The following SYT1 variants were observed in gnomAD, a reference collection of about 807,000 sequenced individuals.
SYT1 encodes synaptotagmin 1, also known as synaptotagmin-1.
A neutral mutation model predicts 44.8 loss-of-function variants in SYT1; 8 were observed. That is an observed-to-expected ratio of 0.18 (90% confidence interval 0.10 to 0.32). SYT1 has a LOEUF of 0.32. Ranked by LOEUF, SYT1 falls within the 10% of genes least tolerant of loss-of-function variation. The probability of loss-of-function intolerance (pLI) is 1.00; values close to 1 mark genes in which losing one functional copy is unlikely to be tolerated. For synonymous variants in SYT1, 154 were observed against 188.8 expected (o/e 0.82, Z 1.51); for missense variants, 286 against 509.3 (o/e 0.56, Z 4.22).
chr12:79,000,894 C>T (rs1250184713), intron 2 of SYT1, among the ~76,000 whole-genome samples: 3 of 152,064 alleles, frequency 2.0e-5, no homozygotes, highest in Non-Finnish European at 2.9e-5. Flanking sequence ...CCAAGAAATG[C>T]CAATTTAAAT....
At chr12:78,929,812 C>A (rs1313470959) in intron 1 of SYT1, among the ~76,000 whole-genome samples, 4 of 152,202 alleles carry the variant, frequency 2.6e-5, no homozygotes, top group East Asian at 1.9e-4. Context: ...TAGCAAGATA[C>A]GTCTTCTGGT....
chr12:78,946,667 C>T (rs1427173534), intron 1 of SYT1, among the ~76,000 whole-genome samples: 1 of 150,972 alleles, frequency 6.6e-6, no homozygotes, highest in African/African-American at 2.4e-5. Context: ...AGCCTAACAG[C>T]CTAAGTGACA....
chr12:78,926,863 A>G (rs548487090), intron 1 of SYT1: 1 of 152,244 alleles, frequency 6.6e-6, no homozygotes, highest in African/African-American at 2.4e-5. Context: ...AGTTGCATAC[A>G]TTTAAATGTT....
chr12:79,324,418 A>G (rs1030743886), intron 8 of SYT1, among the ~76,000 whole-genome samples: 3 of 152,180 alleles, frequency 2.0e-5, no homozygotes, highest in Non-Finnish European at 4.4e-5. Flanking sequence ...CAATAGACCC[A>G]CATGACCCCG....
intron 3 of SYT1, among the ~76,000 whole-genome samples, chr12:79,148,025 T>C (rs1204427481): frequency 2.8e-5 from 4 of 144,446 alleles, no homozygotes; most frequent in Non-Finnish European, 4.5e-5. Context: ...TAAACATTAA[T>C]GAAAAAAAAG....
intron 1 of SYT1, among the ~76,000 whole-genome samples, chr12:78,908,185 G>A (rs1240824135): frequency 6.6e-6 from 1 of 151,744 alleles, no homozygotes; most frequent in Non-Finnish European, 1.5e-5. Flanking sequence ...TCAGCCTGAG[G>A]CAAATAACTT....
intron 9 of SYT1, among the ~76,000 whole-genome samples, chr12:79,399,835 G>A (rs1262530104): frequency 6.6e-6 from 1 of 152,056 alleles, no homozygotes; most frequent in Non-Finnish European, 1.5e-5. Flanking sequence ...CTGGTATAGG[G>A]CCACACCCTG....
chr12:79,073,897 C>T (rs1876460048), intron 3 of SYT1, among the ~76,000 whole-genome samples: 1 of 152,168 alleles, frequency 6.6e-6, no homozygotes, highest in Admixed American at 6.5e-5. Flanking sequence ...AAAGCAATGT[C>T]TGCTGCAAGA....
At chr12:79,427,422 C>A (rs1869514816) in intron 9 of SYT1, among the ~76,000 whole-genome samples, 1 of 152,118 alleles carries the variant, frequency 6.6e-6, no homozygotes, top group Admixed American at 6.6e-5. Context: ...ACCATGTATT[C>A]ATTAAAGAAG....
At chr12:78,982,733 T>C (rs1380834861) in intron 2 of SYT1, among the ~76,000 whole-genome samples, 1 of 152,184 alleles carries the variant, frequency 6.6e-6, no homozygotes, top group African/African-American at 2.4e-5. Context: ...TACCTCAAAA[T>C]TTATAACTGA....
chr12:78,906,171 A>G (rs1326666265), intron 1 of SYT1, among the ~76,000 whole-genome samples: 1 of 152,064 alleles, frequency 6.6e-6, no homozygotes, highest in Admixed American at 6.6e-5. Flanking sequence ...TTATTGAATT[A>G]TTTTCTATAA....
At chr12:79,049,189 G>A (rs1344557988) in intron 3 of SYT1, among the ~76,000 whole-genome samples, 1 of 151,712 alleles carries the variant, frequency 6.6e-6, no homozygotes, top group East Asian at 1.9e-4. Context: ...TATTGTTCAG[G>A]TGTGACCTAT....
chr12:78,971,687 CT>C, intron 1 of SYT1, among the ~76,000 whole-genome samples: 1 of 152,136 alleles, frequency 6.6e-6, no homozygotes, highest in Middle Eastern at 3.4e-3. Flanking sequence ...ACTATTTTAA[CT>C]TTGTGATTCT....
chr12:78,924,756 T>C (rs1877209465), intron 1 of SYT1, among the ~76,000 whole-genome samples: 1 of 151,082 alleles, frequency 6.6e-6, no homozygotes, highest in African/African-American at 2.4e-5. Flanking sequence ...TTTTGATGTG[T>C]CTCCATAATT....
At chr12:79,264,993 T>C (rs569562563) in intron 4 of SYT1, among the ~76,000 whole-genome samples, 26 of 152,324 alleles carry the variant, frequency 1.7e-4, no homozygotes, top group African/African-American at 6.0e-4. Context: ...CTTTGACGGT[T>C]GTATTATACA....
At chr12:79,406,251 C>T (rs772148269) in intron 9 of SYT1, among the ~76,000 whole-genome samples, 1 of 152,106 alleles carries the variant, frequency 6.6e-6, no homozygotes, top group Non-Finnish European at 1.5e-5. Flanking sequence ...TTGCACTGCA[C>T]TGTGGTGACT....
At chr12:79,437,785 G>T (rs1353809799) in intron 9 of SYT1, among the ~76,000 whole-genome samples, 2 of 152,134 alleles carry the variant, frequency 1.3e-5, no homozygotes, top group African/African-American at 4.8e-5. Context: ...AACAGAGGTA[G>T]CAATAATATT....
intron 8 of SYT1, among the ~76,000 whole-genome samples, chr12:79,322,776 C>T (rs140616757): frequency 6.6e-6 from 1 of 152,046 alleles, no homozygotes; most frequent in Non-Finnish European, 1.5e-5. Context: ...AGGGAAAAGC[C>T]TCCACTTGAG....
chr12:79,429,032 G>T (rs550635252), intron 9 of SYT1, among the ~76,000 whole-genome samples: 2 of 152,192 alleles, frequency 1.3e-5, no homozygotes, highest in Admixed American at 1.3e-4. Context: ...GATAGAGCAA[G>T]AACTCACTCA....
Sources: allele counts gnomAD v4.1 joint callset (sites outside exome capture counted in the v4.1 genomes callset), GRCh38; gene constraint gnomAD v4.1.1; transcripts MANE v1.5; gene names NCBI Gene and HGNC (gene_info 2026-07-23, HGNC 2026-07-21).